FHIT: variants seen among roughly 807,000 people sequenced by gnomAD.
FHIT encodes the protein bis(5'-adenosyl)-triphosphatase.
A neutral mutation model predicts 17.9 loss-of-function variants in FHIT; 19 were observed. The observed-to-expected ratio is 1.06, with a 90% CI of 0.74 to 1.56. FHIT has a LOEUF of 1.56. Ranked by LOEUF, FHIT falls within the 40% of genes most tolerant of loss-of-function variation. The pLI, the probability that FHIT is intolerant of heterozygous loss-of-function variation, is 0.00. For synonymous variants in FHIT, 81 were observed against 69.7 expected, an observed-to-expected ratio of 1.16 and a Z score of -0.81; for missense variants, 248 against 189.2, an observed-to-expected ratio of 1.31 and a Z score of -1.82.
intron 7 of FHIT, among the ~76,000 whole-genome samples, chr3:59,984,476 C>T (rs923684041): frequency 4.6e-5 from 7 of 152,052 alleles, no homozygotes; most frequent in African/African-American, 1.7e-4. Flanking sequence ...GGGAATTTAT[C>T]CTCAAATTCC....
At chr3:60,159,338 C>T (rs180978663) in intron 5 of FHIT, among the ~76,000 whole-genome samples, 2 of 152,098 alleles carry the variant, frequency 1.3e-5, no homozygotes, top group Admixed American at 6.5e-5. Flanking sequence ...CCAGGCTGGT[C>T]TCAAACTCCT....
rs1595602 is a variant in FHIT at position 61,104,800 on chromosome 3, T to A, written c.-163-62701A>T. On this transcript the variant is annotated intron_variant, in intron 2 of 9. Transcript: ENST00000492590. ...CTTTTTTCTCTATTATCTGACTGTC[T>A]TGTTTCAGAAAGCCAGTCTTCAAAC... 3.9e-5 allele frequency among the ~76,000 whole-genome samples: 6 copies of A among 152,114 alleles called. No individual in the cohort carries two copies. The South Asian group carries it at 1.0e-3, about 26-fold the overall frequency.
intron 4 of FHIT, among the ~76,000 whole-genome samples, chr3:60,763,109 T>C (rs6771383): frequency 0.49 from 73,894 of 151,892 alleles, 21,068 homozygotes; most frequent in African/African-American, 0.81. Flanking sequence ...GACCCTCAGC[T>C]TCCAGATCTA....
At chr3:60,475,914 C>G (rs1012363749) in intron 5 of FHIT, among the ~76,000 whole-genome samples, 4 of 152,014 alleles carry the variant, frequency 2.6e-5, no homozygotes, top group African/African-American at 9.7e-5. Context: ...CACTCATGCC[C>G]AGATTTCCCT....
chr3:60,773,772 A>C (rs913014739), intron 4 of FHIT, among the ~76,000 whole-genome samples: 1 of 152,260 alleles, frequency 6.6e-6, no homozygotes, highest in Non-Finnish European at 1.5e-5. Flanking sequence ...CCCAGACTAT[A>C]TAGCTACAGA....
chr3:60,813,822 C>A (rs1020349482), intron 4 of FHIT, among the ~76,000 whole-genome samples: 12 of 152,216 alleles, frequency 7.9e-5, no homozygotes, highest in Middle Eastern at 3.4e-3. Flanking sequence ...AATTTAATGA[C>A]TCCTTTATTA....
intron 4 of FHIT, chr3:60,730,085 G>A (rs1320922955): frequency 2.0e-6 from 1 of 512,320 alleles, no homozygotes; most frequent in Non-Finnish European, 3.9e-6. Context: ...AATCTCTTCA[G>A]GTAGTAGATG....
At chr3:60,317,810 A>T (rs1382426155) in intron 5 of FHIT, among the ~76,000 whole-genome samples, 2 of 146,694 alleles carry the variant, frequency 1.4e-5, no homozygotes, top group African/African-American at 5.1e-5. Context: ...TTTTATTTTG[A>T]GACAGGGTCT....
At chr3:60,066,403 TCTG>T (rs1702506457) in intron 5 of FHIT, among the ~76,000 whole-genome samples, 1 of 152,150 alleles carries the variant, frequency 6.6e-6, no homozygotes, top group African/African-American at 2.4e-5. Context: ...TTATTAATGT[TCTG>T]CTAATTAGAG....
chr3:60,346,318 T>G (rs1326322622), intron 5 of FHIT, among the ~76,000 whole-genome samples: 1 of 152,222 alleles, frequency 6.6e-6, no homozygotes. Context: ...TCTTTCTGTT[T>G]TCACTGATCT....
At chr3:61,009,789 A>G (rs984066979) in intron 3 of FHIT, among the ~76,000 whole-genome samples, 6 of 152,084 alleles carry the variant, frequency 3.9e-5, no homozygotes, top group African/African-American at 1.5e-4. Flanking sequence ...ATAAATAATG[A>G]AATTACAACA....
intron 4 of FHIT, among the ~76,000 whole-genome samples, chr3:60,725,213 G>T (rs1233229750): frequency 1.3e-5 from 2 of 151,942 alleles, no homozygotes; most frequent in African/African-American, 4.8e-5. Context: ...TATATGATTT[G>T]CAAAACACTT....
chr3:59,881,580 C>A (rs1277107930), intron 8 of FHIT, among the ~76,000 whole-genome samples: 2 of 152,098 alleles, frequency 1.3e-5, no homozygotes, highest in African/African-American at 4.8e-5. Context: ...TGAAGGACCT[C>A]CCAAAACAAA....
At chr3:60,801,394 C>T (rs1701181405) in intron 4 of FHIT, among the ~76,000 whole-genome samples, 1 of 152,162 alleles carries the variant, frequency 6.6e-6, no homozygotes, top group Non-Finnish European at 1.5e-5. Flanking sequence ...GAAAGGGAGA[C>T]AAGAGGATGT....
At chr3:60,128,819 C>CGG (rs1347348068) in intron 5 of FHIT, among the ~76,000 whole-genome samples, 2 of 152,164 alleles carry the variant, frequency 1.3e-5, no homozygotes, top group African/African-American at 4.8e-5. Context: ...AGGCTGTGAC[C>CGG]TCCTCTGAGG....
chr3:60,817,565 A>G (rs554565294), intron 4 of FHIT, among the ~76,000 whole-genome samples: 71 of 151,694 alleles, frequency 4.7e-4, no homozygotes, highest in African/African-American at 1.6e-3. Flanking sequence ...ACATCATTTC[A>G]ATTTTTCTGG....
In FHIT at chr3:60,876,564, T is replaced by C. The variant is rs115345286; in HGVS notation, c.-110-54553A>G. Among the ~76,000 whole-genome samples, 976 of 152,332 alleles carry C rather than the reference T, an allele frequency of 6.4e-3. 8 individuals carry two copies. Among genetic ancestry groups the C allele is most frequent in the African/African-American group, 0.023 (943 of 41,586 alleles). On this transcript the variant is annotated intron_variant, in intron 3 of 9. Transcript: ENST00000492590. ...ACAAAGAAAGTAAAATTGTTAAATG[T>C]GTAAAGTTATTTTAAAATATTGATG...
At chr3:60,048,629 G>T (rs962608200) in intron 5 of FHIT, among the ~76,000 whole-genome samples, 2 of 152,182 alleles carry the variant, frequency 1.3e-5, no homozygotes, top group Non-Finnish European at 2.9e-5. Context: ...TGGGTGAATT[G>T]TAGGACTTCC....
chr3:61,068,301 A>T (rs532152983), intron 2 of FHIT, among the ~76,000 whole-genome samples: 1 of 152,182 alleles, frequency 6.6e-6, no homozygotes, highest in Admixed American at 6.6e-5. Flanking sequence ...GGCAGAATGC[A>T]GTTCTGAAGT....
Sources: gnomAD v4.1 joint callset for allele counts (sites outside exome capture counted in the v4.1 genomes callset) on GRCh38, gnomAD v4.1.1 for gene constraint, MANE v1.5 for transcripts, NCBI Gene and HGNC (gene_info 2026-07-23, HGNC 2026-07-21) for gene names.